The following LRP1B variants were observed in gnomAD, a reference collection of about 807,000 sequenced individuals.
LRP1B encodes the protein low-density lipoprotein receptor-related protein 1B.
LRP1B carries 217 observed loss-of-function variants against 556.6 expected under a neutral mutation model. That is an observed-to-expected ratio of 0.39 (90% CI 0.35 to 0.44). LRP1B has a LOEUF of 0.44. Among genes scored for constraint, LRP1B ranks in the 20% least tolerant of loss-of-function variants. The pLI is 1.00. For missense variants in LRP1B, 5,053 were observed against 5,620.8 expected (o/e 0.90, Z 3.23); for synonymous variants, 2,047 against 1,865.8 (o/e 1.10, Z -2.50).
chr2:141,797,802 T>C (rs777381636), intron 2 of LRP1B, among the ~76,000 whole-genome samples: 8 of 152,198 alleles, frequency 5.3e-5, no homozygotes, highest in Non-Finnish European at 1.2e-4. Flanking sequence ...TACCATAACT[T>C]ACGGCATATT....
At chr2:140,748,827 T>TGA (rs369730510) in intron 35 of LRP1B, among the ~76,000 whole-genome samples, 2,405 of 79,584 alleles carry the variant, frequency 0.03, 115 homozygotes, top group African/African-American at 0.038. Context: ...ATAATATATA[T>TGA]CATATATTAT....
At chr2:141,748,020 C>T (rs1364124704) in intron 2 of LRP1B, among the ~76,000 whole-genome samples, 2 of 152,062 alleles carry the variant, frequency 1.3e-5, no homozygotes, top group Non-Finnish European at 2.9e-5. Context: ...CTTATAAGGT[C>T]CAAACTCTTA....
intron 87 of LRP1B, among the ~76,000 whole-genome samples, chr2:140,242,001 G>A (rs1159860390): frequency 2.0e-5 from 3 of 150,788 alleles, no homozygotes; most frequent in African/African-American, 7.3e-5. Context: ...ACATGGTTCT[G>A]AAACCTCATC....
At chr2:140,925,857 T>C (rs932572542) in intron 20 of LRP1B, among the ~76,000 whole-genome samples, 3 of 152,150 alleles carry the variant, frequency 2.0e-5, no homozygotes, top group Non-Finnish European at 4.4e-5. Context: ...CATTAGCACC[T>C]TCCTTTTATA....
chr2:141,575,057 T>C (rs1484190997), intron 2 of LRP1B, among the ~76,000 whole-genome samples: 2 of 152,118 alleles, frequency 1.3e-5, no homozygotes, highest in African/African-American at 4.8e-5. Flanking sequence ...TTCAATGCTA[T>C]TCCCGTCAAA....
chr2:141,739,363 T>C (rs764511065), intron 2 of LRP1B, among the ~76,000 whole-genome samples: 1 of 151,974 alleles, frequency 6.6e-6, no homozygotes, highest in Non-Finnish European at 1.5e-5. Context: ...AATAAATAAA[T>C]GAATAAATAA....
At chr2:141,687,697 A>G (rs1005448594) in intron 2 of LRP1B, among the ~76,000 whole-genome samples, 11 of 151,898 alleles carry the variant, frequency 7.2e-5, no homozygotes, top group African/African-American at 2.7e-4. Context: ...CCTTGTGATT[A>G]TGATATAGAT....
At chr2:140,257,863 C>G (rs1051190485) in intron 86 of LRP1B, among the ~76,000 whole-genome samples, 2 of 152,136 alleles carry the variant, frequency 1.3e-5, no homozygotes, top group Non-Finnish European at 2.9e-5. Context: ...ATGACAACTT[C>G]CTTAGGCTCT....
At chr2:141,624,031 T>TAAAAAAAAAAAAA (rs1559185670) in intron 2 of LRP1B, among the ~76,000 whole-genome samples, 2 of 12,218 alleles carry the variant, frequency 1.6e-4, no homozygotes, top group African/African-American at 3.5e-4. Context: ...AAAAAAAAAA[T>TAAAAAAAAAAAAA]TAAACAAAAA....
chr2:140,440,318 A>G (rs1686370450), intron 66 of LRP1B, among the ~76,000 whole-genome samples: 1 of 152,118 alleles, frequency 6.6e-6, no homozygotes, highest in Non-Finnish European at 1.5e-5. Flanking sequence ...ATGCAATCCT[A>G]CTCTACATCC....
At chr2:141,558,886 T>C (rs1483147) in intron 2 of LRP1B, among the ~76,000 whole-genome samples, 56,646 of 151,474 alleles carry the variant, frequency 0.37, 11,103 homozygotes, top group Non-Finnish European at 0.44. Flanking sequence ...TTCAAGGCCA[T>C]AAGGAATAAA....
intron 86 of LRP1B, among the ~76,000 whole-genome samples, chr2:140,261,664 T>G (rs1327952368): frequency 2.6e-5 from 4 of 151,934 alleles, no homozygotes; most frequent in African/African-American, 9.7e-5. Flanking sequence ...CCATTAAAAC[T>G]AAAAGCATTT....
chr2:141,447,079 G>A (rs1247191639), intron 3 of LRP1B, among the ~76,000 whole-genome samples: 1 of 151,884 alleles, frequency 6.6e-6, no homozygotes, highest in Non-Finnish European at 1.5e-5. Flanking sequence ...TTTTCACATA[G>A]TCCCATATTT....
chr2:141,680,918 G>A (rs1390553253), intron 2 of LRP1B, among the ~76,000 whole-genome samples: 1 of 152,108 alleles, frequency 6.6e-6, no homozygotes, highest in Non-Finnish European at 1.5e-5. Context: ...TTTAAATGCT[G>A]AGCCTAACTG....
intron 2 of LRP1B, among the ~76,000 whole-genome samples, chr2:141,795,330 G>C (rs1327459116): frequency 6.6e-6 from 1 of 151,906 alleles, no homozygotes; most frequent in Non-Finnish European, 1.5e-5. Flanking sequence ...CATATATCAA[G>C]TAACCAGATA....
Position 140,798,842 on chromosome 2 carries a change from T to C in LRP1B, c.5359+14815A>G, listed in dbSNP as rs557335990. ...TTGGGAAGAACTCTGGCTTTGGAAA[T>C]AGACAGACTTATGTTAGAGACCCAG... On this transcript the variant is annotated intron_variant, in intron 32 of 90. Coordinates refer to ENST00000389484, the MANE Select transcript of LRP1B (RefSeq NM_018557.3). Among the ~76,000 whole-genome samples, 86 of 152,254 alleles carry C rather than the reference T, an allele frequency of 5.6e-4. 1 individual carries two copies. In the Middle Eastern group the frequency reaches 0.01, roughly 18 times the overall value.
intron 3 of LRP1B, among the ~76,000 whole-genome samples, chr2:141,371,012 T>C (rs531741937): frequency 6.6e-6 from 1 of 152,278 alleles, no homozygotes; most frequent in East Asian, 1.9e-4. Context: ...AGATGGAGTT[T>C]CGCTCTCGTG....
At chr2:140,511,767 G>A (rs1689672399) in intron 51 of LRP1B, among the ~76,000 whole-genome samples, 1 of 152,000 alleles carries the variant, frequency 6.6e-6, no homozygotes, top group Non-Finnish European at 1.5e-5. Flanking sequence ...ATGTAGTACT[G>A]GAAGAAGTTA....
At chr2:141,942,807 G>T (rs977622330) in intron 1 of LRP1B, among the ~76,000 whole-genome samples, 1 of 152,142 alleles carries the variant, frequency 6.6e-6, no homozygotes, top group Admixed American at 6.5e-5. Context: ...AGCAGACGAG[G>T]AGACCATATA....
Sources: allele counts gnomAD v4.1 joint callset (sites outside exome capture counted in the v4.1 genomes callset), GRCh38; gene constraint gnomAD v4.1.1; transcripts MANE v1.5; gene names NCBI Gene and HGNC (gene_info 2026-07-23, HGNC 2026-07-21).